GEMIN7: variants seen among roughly 807,000 people sequenced by gnomAD.
GEMIN7 encodes gem nuclear organelle associated protein 7, also known as gem-associated protein 7.
GEMIN7 carries 7 observed loss-of-function variants against 7.8 expected under a neutral mutation model. The observed-to-expected ratio is 0.90, with a 90% CI of 0.51 to 1.69. GEMIN7 has a LOEUF of 1.69. GEMIN7 is among the 40% of genes most tolerant of loss of function. GEMIN7 has a pLI of 0.00. For synonymous variants in GEMIN7, 68 were observed against 72.4 expected, an observed-to-expected ratio of 0.94 and a Z score of 0.31; for missense variants, 159 against 176.2, an observed-to-expected ratio of 0.90 and a Z score of 0.55.
chr19:45,075,902 A>G (rs930984033), upstream of GEMIN7: 2 of 1,609,820 alleles, frequency 1.2e-6, no homozygotes, highest in Admixed American at 1.7e-5. Context: ...GGGTGGGGCC[A>G]GGATGGGGGC....
chr19:45,080,765 GTTTTTT>G (rs57306662), intron 2 of GEMIN7, among the ~76,000 whole-genome samples: 2 of 135,652 alleles, frequency 1.5e-5, no homozygotes, highest in African/African-American at 5.5e-5. Context: ...CTTGTTTTTT[GTTTTTT>G]TTTTTTTTTT....
chr19:45,077,087 G>A (rs1251770457), upstream of GEMIN7, among the ~76,000 whole-genome samples: 1 of 152,184 alleles, frequency 6.6e-6, no homozygotes, highest in East Asian at 1.9e-4. Flanking sequence ...AGGGCATGGT[G>A]GAGCTGAGGC....
At chr19:45,076,474 T>A, upstream of GEMIN7, 1 of 900,928 alleles carries the variant, frequency 1.1e-6, no homozygotes, top group Non-Finnish European at 1.4e-6. This position sits in a 1 kb window ranked among gnomAD's most constrained non-coding sequence, Gnocchi z 4.9. Context: ...CTCAGGTGAG[T>A]GACTGCGGCG....
intron 2 of GEMIN7, among the ~76,000 whole-genome samples, chr19:45,084,213 CAA>C (rs35661833): frequency 2.7e-5 from 2 of 74,502 alleles, no homozygotes; most frequent in African/African-American, 5.6e-5. Context: ...CTCCATCTCA[CAA>C]AAAAAAAAAA....
chr19:45,088,831 G>A (rs1053554614), intron 2 of GEMIN7: 2 of 151,974 alleles, frequency 1.3e-5, no homozygotes, highest in Admixed American at 1.3e-4. Context: ...TGCATACCAG[G>A]TTCCTCCAGT....
rs1342388353 is a variant in GEMIN7 at position 45,083,595 on chromosome 19, TCTTC to T, written c.-9+3567_-9+3570del. Among the ~76,000 whole-genome samples the T allele has an allele frequency of 9.5e-5, 9 of 94,814 alleles. No individual in the cohort carries two copies. The South Asian group carries it at 1.5e-3, about 16-fold the overall frequency. 62.2% of individuals were successfully genotyped at this position (94,814 alleles called of 152,430 possible). A position where few individuals can be genotyped will look rare whatever the true frequency, so the allele number is the denominator to read the frequency against. On this transcript the variant is annotated intron_variant, in intron 2 of 2. Coordinates refer to ENST00000270257, the MANE Select transcript of GEMIN7 (RefSeq NM_024707.3). ...TTTTCACATTTTCTTTTCCAATTCT[TCTTC>T]TTTTTTTTTTTTTTTTTGTTTGAGA...
chr19:45,090,104 C>T lies in GEMIN7; in HGVS notation c.-8-3C>T, dbSNP rs1434445707. ...CTTCCTGCTCTTTTTCTTCACTCAA[C>T]AGCCAAGACAATGCAAACTCCAGTG... On this transcript the variant is annotated splice_region_variant and splice_polypyrimidine_tract_variant and intron_variant, in intron 2 of 2. Transcript: ENST00000270257. The T allele has an allele frequency of 1.3e-6, 2 of 1,596,618 alleles. No homozygotes were observed. The highest frequency in any genetic ancestry group is 1.3e-5 in the African/African-American group (1 of 74,368).
chr19:45,077,202 G>A (rs554982381), upstream of GEMIN7, among the ~76,000 whole-genome samples: 111 of 152,316 alleles, frequency 7.3e-4, no homozygotes, highest in Non-Finnish European at 7.2e-4. Flanking sequence ...TATGGGGGCA[G>A]ATCCAAGCAA....
chr19:45,087,567 G>C (rs988118290), intron 2 of GEMIN7, among the ~76,000 whole-genome samples: 1 of 152,168 alleles, frequency 6.6e-6, no homozygotes, highest in Non-Finnish European at 1.5e-5. Context: ...CAGATACAGG[G>C]AACCGAAAGT....
In GEMIN7 at chr19:45,090,381, C is replaced by G. The variant is rs1349238694; in HGVS notation, c.267C>G (p.Ala89=). The change falls in exon 3 of 3, where the codon GCC becomes GCG. Residue 89 remains alanine (A), a synonymous_variant. Coordinates refer to ENST00000270257, the MANE Select transcript of GEMIN7 (RefSeq NM_024707.3). The part of the protein sequence containing the change: ...SFTLHEGVRV[A]AHFGATDLDV... The stretch of plus-strand genomic sequence containing the variant: ...CGTTGCACGAGGGTGTGCGTGTGGC[C>G]GCCCACTTTGGAGCCACCGACCTGG... 6.2e-7 allele frequency: 1 copy of G among 1,614,010 alleles called. No homozygotes were observed. Among genetic ancestry groups the G allele is most frequent in the Non-Finnish European group, 8.5e-7 (1 of 1,180,050 alleles).
chr19:45,086,926 A>T (rs6509188), intron 2 of GEMIN7, among the ~76,000 whole-genome samples: 2 of 151,506 alleles, frequency 1.3e-5, no homozygotes, highest in African/African-American at 2.4e-5. Flanking sequence ...CGCTTACTGC[A>T]ACCCCTGCCT....
upstream of GEMIN7, among the ~76,000 whole-genome samples, chr19:45,077,166 G>A (rs1600128190): frequency 1.3e-5 from 2 of 152,134 alleles, no homozygotes; most frequent in African/African-American, 4.8e-5. Flanking sequence ...GAGGCAATAC[G>A]GGTTGGGGAT....
Position 45,090,315 on chromosome 19 carries a change from C to T in GEMIN7, c.201C>T (p.Leu67=). 1.2e-6 allele frequency: 2 copies of T among 1,614,202 alleles called. No individual in the cohort carries two copies. The highest frequency in any genetic ancestry group is 1.6e-4 in the Middle Eastern group (1 of 6,062). ...RARAALRERY[L]RSLLAMVGHQ... ...GAGCCGCCCTTCGGGAGCGTTACCT[C>T]CGCAGCCTGCTGGCCATGGTGGGTC... The change falls in exon 3 of 3, where the codon CTC becomes CTT. Residue 67 remains leucine, a synonymous_variant. Coordinates refer to ENST00000270257, the MANE Select transcript of GEMIN7 (RefSeq NM_024707.3).
intron 2 of GEMIN7, among the ~76,000 whole-genome samples, chr19:45,083,195 C>T (rs931975519): frequency 3.3e-5 from 5 of 152,172 alleles, no homozygotes; most frequent in East Asian, 1.9e-4. Context: ...CCTGTAATCC[C>T]GGCACTTTGG....
chr19:45,087,151 T>A lies in GEMIN7; in HGVS notation c.-8-2956T>A, dbSNP rs184079536. On this transcript the variant is annotated intron_variant, in intron 2 of 2. Transcript: ENST00000270257. Reference sequence around the variant, plus strand: ...TGAGCCACCGCGCCCAGCCAATGTTTGTTTGTTTTTGAGATAGAGTATTGC... The same window carrying A: ...TGAGCCACCGCGCCCAGCCAATGTTAGTTTGTTTTTGAGATAGAGTATTGC... Among the ~76,000 whole-genome samples, 351 of 151,982 alleles carry A rather than the reference T, an allele frequency of 2.3e-3. 5 individuals carry two copies. The highest frequency in any genetic ancestry group is 0.021 in the Admixed American group (318 of 15,242).
chr19:45,076,265 C>T (rs143782397), upstream of GEMIN7: 30 of 1,496,910 alleles, frequency 2.0e-5, no homozygotes, highest in African/African-American at 5.8e-5. The surrounding 1 kb of genome is among the most constrained non-coding windows in gnomAD (Gnocchi z 4.9). Context: ...GCGTCTGGCT[C>T]GGGCTTGAGT....
chr19:45,084,531 T>C (rs1041963591), intron 2 of GEMIN7, among the ~76,000 whole-genome samples: 36 of 152,052 alleles, frequency 2.4e-4, no homozygotes, highest in Non-Finnish European at 2.2e-4. Context: ...GCCTCCTGAG[T>C]AGTTGGGATT....
chr19:45,075,815 G>C, upstream of GEMIN7: 2 of 1,614,122 alleles, frequency 1.2e-6, no homozygotes, highest in Non-Finnish European at 1.7e-6. Context: ...TGCAGGCAGC[G>C]GCCGCAGGTC....
chr19:45,082,983 A>G (rs1030463380), intron 2 of GEMIN7, among the ~76,000 whole-genome samples: 1 of 152,102 alleles, frequency 6.6e-6, no homozygotes, highest in African/African-American at 2.4e-5. Context: ...CCCAGTAAGT[A>G]AGGTTTTGTT....
Sources: allele counts gnomAD v4.1 joint callset (sites outside exome capture counted in the v4.1 genomes callset), GRCh38; gene constraint gnomAD v4.1.1; non-coding constraint Gnocchi (gnomAD v3.1); transcripts MANE v1.5; gene names NCBI Gene and HGNC (gene_info 2026-07-23, HGNC 2026-07-21).